TSTD2: variants seen among roughly 807,000 people sequenced by gnomAD.
The protein encoded by TSTD2 is thiosulfate sulfurtransferase like domain containing 2.
A neutral mutation model predicts 47.9 loss-of-function variants in TSTD2; 37 were observed. The ratio of observed to expected loss-of-function variants is 0.77; its 90% CI spans 0.59 to 1.02. The LOEUF is 1.02. Among genes scored for constraint, TSTD2 ranks in the 50% least tolerant of loss-of-function variants. TSTD2 has a pLI of 0.00. For synonymous variants in TSTD2, 201 were observed against 215.9 expected (o/e 0.93, Z 0.61); for missense variants, 586 against 616.0 (o/e 0.95, Z 0.52).
Position 97,600,905 on chromosome 9 carries a change from CTAA to C in TSTD2, c.*1561_*1563del, listed in dbSNP as rs1332003853. The C allele has an allele frequency of 1.7e-6, 2 of 1,155,330 alleles. No homozygotes were observed. Among genetic ancestry groups the C allele is most frequent in the Non-Finnish European group, 2.2e-6 (2 of 918,772 alleles). The allele number at this position is 1,155,330 out of a possible 1,614,324, so 71.6% of individuals were successfully genotyped here. A position where few individuals can be genotyped will look rare whatever the true frequency, so the allele number is the denominator to read the frequency against. ...TTAATATACCACAGTGCCAGTTAAA[CTAA>C]TATTTTTGTTTGTTGCTTTTGGGAG... On this transcript the variant is annotated 3_prime_UTR_variant, in exon 10 of 10. Transcript: ENST00000341170.
In TSTD2 at chr9:97,601,130, G is replaced by A; in HGVS notation, c.*1339C>T. On this transcript the variant is annotated 3_prime_UTR_variant, in exon 10 of 10. Coordinates refer to ENST00000341170, the MANE Select transcript of TSTD2 (RefSeq NM_139246.5). ...AGAGTGTCCACTGAGGCTGCACATGGCCCAGGAGTGGCACCATGTTGCAGG... is the reference window on the plus strand; with the variant it reads ...AGAGTGTCCACTGAGGCTGCACATGACCCAGGAGTGGCACCATGTTGCAGG... 1 of 1,304,188 alleles carries A rather than the reference G, an allele frequency of 7.7e-7. No individual in the cohort carries two copies. Among genetic ancestry groups the A allele is most frequent in the Non-Finnish European group, 1.0e-6 (1 of 988,908 alleles). The allele number at this position is 1,304,188 out of a possible 1,614,324, so 80.8% of individuals were successfully genotyped here.
At position 97,600,401 on chromosome 9, in the gene TSTD2, GTTC is replaced by G; in HGVS notation, c.*2065_*2067del. ...CCAGGCAACAAACATGTCCCTGAGT[GTTC>G]TTTAAGAACATTTGGGATTTATGTA... On this transcript the variant is annotated 3_prime_UTR_variant, in exon 10 of 10. Transcript: ENST00000341170. 1 of 985,850 alleles carries G rather than the reference GTTC, an allele frequency of 1.0e-6. No homozygotes were observed. The highest frequency in any genetic ancestry group is 1.2e-6 in the Non-Finnish European group (1 of 830,140). The allele number at this position is 985,850 out of a possible 1,614,324, so 61.1% of individuals were successfully genotyped here.
chr9:97,608,598 T>C (rs1343964815), intron 6 of TSTD2, among the ~76,000 whole-genome samples: 1 of 152,154 alleles, frequency 6.6e-6, no homozygotes, highest in Non-Finnish European at 1.5e-5. Flanking sequence ...ATCACGCCAC[T>C]GCACTCCAGC....
rs1826462831 is a variant in TSTD2 at position 97,611,676 on chromosome 9, G to A, written c.627C>T (p.Ile209=). Residue 209 remains isoleucine (I), a synonymous_variant, in exon 5 of 10, where the codon ATC becomes ATT. Transcript: ENST00000341170. ...TGKIRIAAEG[I]NGTVGGSKLA... ...ATTTGCTTCCACCAACTGTCCCATT[G>A]ATTCCTTCTGCAGCAATTCGAATCT... The A allele has an allele frequency of 3.1e-6, 5 of 1,609,652 alleles. No individual in the cohort carries two copies. The South Asian group carries it at 5.5e-5, about 18-fold the overall frequency.
chr9:97,606,493 G>A (rs1191531428), intron 6 of TSTD2, among the ~76,000 whole-genome samples: 1 of 152,224 alleles, frequency 6.6e-6, no homozygotes, highest in Non-Finnish European at 1.5e-5. Context: ...TGAGGGCAAT[G>A]GAGACCTGGT....
At chr9:97,605,076 G>A (rs1243006412) in intron 8 of TSTD2, among the ~76,000 whole-genome samples, 1 of 152,098 alleles carries the variant, frequency 6.6e-6, no homozygotes. Context: ...CTCCTAGGGG[G>A]ATGGGTGATG....
At position 97,601,772 on chromosome 9, in the gene TSTD2, C is replaced by CTT; in HGVS notation, c.*695_*696dup. On this transcript the variant is annotated 3_prime_UTR_variant, in exon 10 of 10. Coordinates refer to ENST00000341170, the MANE Select transcript of TSTD2 (RefSeq NM_139246.5). ...TATGGGTTTGAACTGCATGGCTGCA[C>CTT]TTATATATGGATTTTTTTCAACCAT... The CTT allele has an allele frequency of 2.2e-5, 4 of 178,876 alleles. No individual in the cohort carries two copies. The highest frequency in any genetic ancestry group is 4.3e-5 in the Non-Finnish European group (4 of 92,304). The allele number at this position is 178,876 out of a possible 1,614,324, so 11.1% of individuals were successfully genotyped here. A position where few individuals can be genotyped will look rare whatever the true frequency, so the allele number is the denominator to read the frequency against.
At chr9:97,605,404 G>A in intron 8 of TSTD2, 79 bp downstream of exon 8, 1 of 1,568,628 alleles carries the variant, frequency 6.4e-7, no homozygotes, top group African/African-American at 1.4e-5. Context: ...ACTGGGGGCA[G>A]CGGACAGCTC....
chr9:97,624,167 T>C (rs905767883), intron 3 of TSTD2, among the ~76,000 whole-genome samples: 1 of 152,174 alleles, frequency 6.6e-6, no homozygotes, highest in South Asian at 2.1e-4. Flanking sequence ...TCTCCTAGAC[T>C]GTACTGAGGT....
chr9:97,600,338 A>T lies in TSTD2; in HGVS notation c.*2131T>A. The T allele has an allele frequency of 1.0e-6, 1 of 986,134 alleles. No individual in the cohort carries two copies. The highest frequency in any genetic ancestry group is 1.2e-6 in the Non-Finnish European group (1 of 830,192). The allele number at this position is 986,134 out of a possible 1,614,324, so 61.1% of individuals were successfully genotyped here. ...ATGATAGGAAAAAAACCAATGGTGA[A>T]ATTTCAAGTTTCAAAAACCAACCTT... is the stretch of plus-strand genomic sequence containing the variant. On this transcript the variant is annotated 3_prime_UTR_variant, in exon 10 of 10. Coordinates refer to ENST00000341170, the MANE Select transcript of TSTD2 (RefSeq NM_139246.5).
rs1826794788 is a variant in TSTD2 at position 97,630,682 on chromosome 9, A to G, written c.-51+2561T>C. ...ATATTTGCCTCAAAATAATTGAGAGAGAGGAGGTAATATCAATGAAACCAG... is the reference window on the plus strand; with the variant it reads ...ATATTTGCCTCAAAATAATTGAGAGGGAGGAGGTAATATCAATGAAACCAG... On this transcript the variant is annotated intron_variant, in intron 1 of 9. Transcript: ENST00000341170. Among the ~76,000 whole-genome samples, 4 of 152,316 alleles carry G rather than the reference A, an allele frequency of 2.6e-5. No individual in the cohort carries two copies. In the South Asian group the frequency reaches 8.3e-4, roughly 32 times the overall value.
intron 4 of TSTD2, among the ~76,000 whole-genome samples, chr9:97,612,643 C>A (rs1360181810): frequency 6.6e-6 from 1 of 152,228 alleles, no homozygotes; most frequent in African/African-American, 2.4e-5. Flanking sequence ...GCAGCCTCCA[C>A]CTCCTGGGTT....
intron 6 of TSTD2, among the ~76,000 whole-genome samples, chr9:97,606,655 T>A (rs1219629918): frequency 6.6e-6 from 1 of 152,218 alleles, no homozygotes; most frequent in Non-Finnish European, 1.5e-5. Flanking sequence ...ACTGCTCTAT[T>A]GTCACTGTAC....
intron 3 of TSTD2, among the ~76,000 whole-genome samples, chr9:97,623,337 CG>C (rs1826670087): frequency 6.6e-6 from 1 of 152,194 alleles, no homozygotes. Context: ...CCCTGCCATG[CG>C]GAACTGTTAA....
chr9:97,632,982 GT>G (rs1000969222), intron 1 of TSTD2, among the ~76,000 whole-genome samples: 9 of 152,220 alleles, frequency 5.9e-5, no homozygotes, highest in African/African-American at 2.2e-4. Context: ...AGGCATATAG[GT>G]ACCCAATAAC....
intron 6 of TSTD2, among the ~76,000 whole-genome samples, chr9:97,609,418 C>T (rs1341054930): frequency 6.6e-6 from 1 of 151,994 alleles, no homozygotes; most frequent in Non-Finnish European, 1.5e-5. Flanking sequence ...TGATCCAGTT[C>T]CTTCAAAAAT....
chr9:97,602,975 CTG>C, intron 9 of TSTD2: 1 of 504,650 alleles, frequency 2.0e-6, no homozygotes, highest in Non-Finnish European at 3.5e-6. Context: ...CTTCTGGTAA[CTG>C]TCTGCTTCCA....
At chr9:97,627,089 ATTAC>A (rs1207368057) in intron 2 of TSTD2, among the ~76,000 whole-genome samples, 5 of 152,144 alleles carry the variant, frequency 3.3e-5, no homozygotes, top group African/African-American at 1.2e-4. Flanking sequence ...GTTGATCATA[ATTAC>A]CAACTTTTTT....
intron 4 of TSTD2, among the ~76,000 whole-genome samples, chr9:97,617,232 C>T (rs1826558960): frequency 6.6e-6 from 1 of 152,176 alleles, no homozygotes; most frequent in Non-Finnish European, 1.5e-5. Context: ...CAGGGAAGAG[C>T]ACTCTAGAGA....
Sources: allele counts gnomAD v4.1 joint callset (sites outside exome capture counted in the v4.1 genomes callset), GRCh38; gene constraint gnomAD v4.1.1; transcripts MANE v1.5; gene names NCBI Gene and HGNC (gene_info 2026-07-23, HGNC 2026-07-21).